Variants in PRUNE2 observed in about 807,000 individuals in gnomAD.
PRUNE2 encodes protein prune homolog 2.
A neutral mutation model predicts 252.0 loss-of-function variants in PRUNE2; 164 were observed. The ratio of observed to expected loss-of-function variants is 0.65; its 90% CI spans 0.57 to 0.74. The LOEUF is 0.74. Ranked by LOEUF, PRUNE2 falls within the 30% of genes least tolerant of loss-of-function variation. The probability of loss-of-function intolerance (pLI) is 0.00; values close to 1 mark genes in which losing one functional copy is unlikely to be tolerated. For missense variants in PRUNE2, 3,495 were observed against 3,711.0 expected, an observed-to-expected ratio of 0.94 and a Z score of 1.51; for synonymous variants, 1,292 against 1,350.2, an observed-to-expected ratio of 0.96 and a Z score of 0.94.
intron 6 of PRUNE2, among the ~76,000 whole-genome samples, chr9:76,753,854 C>A (rs370020464): frequency 7.3e-6 from 1 of 136,700 alleles, no homozygotes; most frequent in Non-Finnish European, 1.6e-5. Flanking sequence ...GGAGACGGAG[C>A]TTGCAGTGAG....
intron 1 of PRUNE2, among the ~76,000 whole-genome samples, chr9:76,888,099 C>T (rs1005955857): frequency 1.3e-5 from 2 of 152,140 alleles, no homozygotes; most frequent in African/African-American, 4.8e-5. Flanking sequence ...AGTGACTAAG[C>T]AACAGCCATG....
chr9:76,797,139 T>A (rs2056168109), intron 6 of PRUNE2, among the ~76,000 whole-genome samples: 1 of 152,222 alleles, frequency 6.6e-6, no homozygotes. Flanking sequence ...TGTTAAAATT[T>A]TCTAACTTTA....
intron 6 of PRUNE2, chr9:76,819,617 T>A (rs1321291809): frequency 6.6e-6 from 1 of 152,198 alleles, no homozygotes; most frequent in African/African-American, 2.4e-5. Context: ...ATACAGCACA[T>A]ACACAAGAAT....
At chr9:76,765,996 C>T (rs1384246084) in intron 6 of PRUNE2, among the ~76,000 whole-genome samples, 1 of 151,958 alleles carries the variant, frequency 6.6e-6, no homozygotes. Context: ...TCCTGGCCAA[C>T]ATGATGAAAC....
In PRUNE2 at chr9:76,649,643, T is replaced by TAGATAGATAGATAGAA. The variant is rs1276301453; in HGVS notation, c.8557+2839_8557+2840insTTCTATCTATCTATCT. Reference sequence around the variant, plus strand: ...ATAGATAGATAGATAGATAGATAGATAGAATAGGCTTTTTGTCTCAGTAAA... The same window carrying TAGATAGATAGATAGAA: ...ATAGATAGATAGATAGATAGATAGATAGATAGATAGATAGAAAGAATAGGCTTTTTGTCTCAGTAAA... On this transcript the variant is annotated intron_variant, in intron 11 of 18. Transcript: ENST00000376718. Among the ~76,000 whole-genome samples, 574 of 150,734 alleles carry TAGATAGATAGATAGAA rather than the reference T, an allele frequency of 3.8e-3. 3 individuals are homozygous for TAGATAGATAGATAGAA. Among genetic ancestry groups the TAGATAGATAGATAGAA allele is most frequent in the African/African-American group, 0.013 (544 of 40,498 alleles).
chr9:76,696,181 G>A (rs920598311), intron 9 of PRUNE2, among the ~76,000 whole-genome samples: 50 of 152,142 alleles, frequency 3.3e-4, no homozygotes, highest in African/African-American at 1.2e-3. Context: ...ACCCAATCCT[G>A]CACTGACTTT....
At position 76,706,273 on chromosome 9, in the gene PRUNE2, C is replaced by A. The variant is rs201206275; in HGVS notation, c.6001G>T (p.Glu2001Ter). The A allele has an allele frequency of 6.8e-6, 11 of 1,613,852 alleles. No homozygotes were observed. The highest frequency in any genetic ancestry group is 8.5e-6 in the Non-Finnish European group (10 of 1,179,888). Reference protein sequence around the residue: ...EGQETNQWEQEKSYLGEMTNS... With the variant: ...EGQETNQWEQ ...GTCATCTCACCTAGGTATGATTTTT[C>A]TTGTTCCCACTGATTTGTTTCTTGA... The change falls in exon 8 of 19, where the codon GAA becomes TAA. Residue 2001 changes from glutamate (E) to a stop codon, truncating the protein, a stop_gained. Transcript: ENST00000376718. LOFTEE classifies it high-confidence loss of function.
At chr9:76,618,916 A>T (rs1026237190) in intron 18 of PRUNE2, among the ~76,000 whole-genome samples, 4 of 152,216 alleles carry the variant, frequency 2.6e-5, no homozygotes, top group Admixed American at 2.6e-4. Context: ...AGTCTCATAC[A>T]GGCTCGAATT....
chr9:76,638,108 C>T (rs1840933221), intron 13 of PRUNE2, 78 bp downstream of exon 13: 2 of 863,172 alleles, frequency 2.3e-6, no homozygotes, highest in Non-Finnish European at 3.8e-6. Flanking sequence ...CATCTATTTT[C>T]TTTAATTAAA....
chr9:76,657,567 C>A (rs1849710052), intron 9 of PRUNE2, among the ~76,000 whole-genome samples: 1 of 152,194 alleles, frequency 6.6e-6, no homozygotes, highest in South Asian at 2.1e-4. Context: ...CCAGTATCAA[C>A]AAGCTGATTA....
chr9:76,684,423 A>T (rs2043842573), intron 9 of PRUNE2, among the ~76,000 whole-genome samples: 1 of 152,174 alleles, frequency 6.6e-6, no homozygotes, highest in Non-Finnish European at 1.5e-5. Context: ...ACTCAACCCC[A>T]GGGCAGCTCC....
intron 6 of PRUNE2, among the ~76,000 whole-genome samples, chr9:76,734,121 A>G (rs545256910): frequency 6.6e-6 from 1 of 152,266 alleles, no homozygotes; most frequent in Admixed American, 6.5e-5. Flanking sequence ...ATTTGGCAGC[A>G]TTCAAACACT....
chr9:76,625,829 C>T (rs72730650), intron 16 of PRUNE2, among the ~76,000 whole-genome samples: 16,008 of 151,896 alleles, frequency 0.11, 915 homozygotes, highest in Non-Finnish European at 0.11. Context: ...CCTTTTTTTC[C>T]GCTCATTTTT....
Position 76,708,992 on chromosome 9 carries a change from T to TTGTC in PRUNE2, c.3278_3281dup (p.Leu1095ThrfsTer17). On this transcript the variant is annotated frameshift_variant, in exon 8 of 19. Transcript: ENST00000376718. LOFTEE classifies it high-confidence loss of function. ...TGGTGCTGCTGTGCAAAAGTGTGAGTTGTCGGTTTGTTTCATTGTACAGTT... is the reference window on the plus strand; with the variant it reads ...TGGTGCTGCTGTGCAAAAGTGTGAGTTGTCTGTCGGTTTGTTTCATTGTACAGTT... 6.2e-7 allele frequency: 1 copy of TTGTC among 1,613,846 alleles called. No homozygotes were observed. The highest frequency in any genetic ancestry group is 8.5e-7 in the Non-Finnish European group (1 of 1,179,858).
chr9:76,738,803 T>G, intron 6 of PRUNE2: 1 of 152,190 alleles, frequency 6.6e-6, no homozygotes, highest in South Asian at 2.1e-4. Context: ...CTAGGTAACC[T>G]CTGTTTAGAA....
intron 6 of PRUNE2, among the ~76,000 whole-genome samples, chr9:76,816,317 GA>G (rs993655251): frequency 5.3e-5 from 8 of 152,156 alleles, no homozygotes; most frequent in Middle Eastern, 3.4e-3. Context: ...ATTTTCCAAA[GA>G]CAAAGTGCTG....
chr9:76,824,606 T>C (rs1215516268), intron 5 of PRUNE2, among the ~76,000 whole-genome samples: 1 of 152,190 alleles, frequency 6.6e-6, no homozygotes, highest in Non-Finnish European at 1.5e-5. Context: ...TCTATCACAG[T>C]AAAGCAGCAA....
chr9:76,760,820 G>A (rs953685044), intron 6 of PRUNE2, among the ~76,000 whole-genome samples: 5 of 152,094 alleles, frequency 3.3e-5, no homozygotes, highest in African/African-American at 9.7e-5. Context: ...GGCCGGGCGC[G>A]GTGACCTGTA....
chr9:76,684,359 G>A (rs1198809400), intron 9 of PRUNE2, among the ~76,000 whole-genome samples: 3 of 152,106 alleles, frequency 2.0e-5, no homozygotes, highest in Non-Finnish European at 4.4e-5. Flanking sequence ...TCCCAGCACG[G>A]TTTCTCAGAG....
Sources: allele counts gnomAD v4.1 joint callset (sites outside exome capture counted in the v4.1 genomes callset), GRCh38; gene constraint gnomAD v4.1.1; transcripts MANE v1.5; gene names NCBI Gene and HGNC (gene_info 2026-07-23, HGNC 2026-07-21).